The following IGFBP5 variants were observed in gnomAD, a reference collection of about 807,000 sequenced individuals.
IGFBP5 encodes the protein insulin-like growth factor-binding protein 5.
In IGFBP5, 12 loss-of-function variants were observed where a neutral mutation model predicts 28.0. That is an observed-to-expected ratio of 0.43 (90% CI 0.27 to 0.69). IGFBP5 has a LOEUF of 0.69. IGFBP5 is among the 30% of genes least tolerant of loss of function. IGFBP5 has a pLI of 0.20. For synonymous variants in IGFBP5, 152 were observed against 150.2 expected (o/e 1.01, Z -0.09); for missense variants, 344 against 381.6 (o/e 0.90, Z 0.82).
rs1351459155 is a variant in IGFBP5, at chr2:216,672,447, G to C, written c.*4304C>G. On this transcript the variant is annotated 3_prime_UTR_variant, in exon 4 of 4. Transcript: ENST00000233813. Reference sequence around the variant, plus strand: ...TGAAAACAAAAAAGAGGAGAGAACAGAGTTATGGTATGAATGTATGTAAAA... The same window carrying C: ...TGAAAACAAAAAAGAGGAGAGAACACAGTTATGGTATGAATGTATGTAAAA... 6.7e-6 allele frequency: 1 copy of C among 150,296 alleles called. No individual in the cohort carries two copies. Among genetic ancestry groups the C allele is most frequent in the Admixed American group, 6.7e-5 (1 of 15,006 alleles). The allele number at this position is 150,296 out of a possible 1,614,324, so 9.3% of individuals were successfully genotyped here.
rs201114178 is a variant in IGFBP5, at chr2:216,679,558, C to G, written c.338-479G>C. Among the ~76,000 whole-genome samples, 18 of 152,154 alleles carry G rather than the reference C, an allele frequency of 1.2e-4. No individual in the cohort carries two copies. The East Asian group carries it at 3.1e-3, about 26-fold the overall frequency. On this transcript the variant is annotated intron_variant, in intron 1 of 3. Coordinates refer to ENST00000233813, the MANE Select transcript of IGFBP5 (RefSeq NM_000599.4). The surrounding 1 kb of genome is among the most constrained non-coding windows in gnomAD (Gnocchi z 4.6). The stretch of plus-strand genomic sequence containing the variant: ...GCAGATGACACAGTCAGGGCGTGGA[C>G]GAGAAGGGCAAAGGCTGTCCTGTTA...
rs1688879582 is a variant in IGFBP5, at chr2:216,675,047, T to C, written c.*1704A>G. The C allele has an allele frequency of 6.6e-6, 1 of 152,172 alleles. No homozygotes were observed. Among genetic ancestry groups the C allele is most frequent in the South Asian group, 2.1e-4 (1 of 4,818 alleles). 9.4% of individuals were successfully genotyped at this position (152,172 alleles called of 1,614,324 possible). On this transcript the variant is annotated 3_prime_UTR_variant, in exon 4 of 4. Transcript: ENST00000233813. The stretch of plus-strand genomic sequence containing the variant: ...TTCCCCCATTTTCCTCTCTTTCCTC[T>C]CAAATCCTAGAAAATACATATGGTG...
Position 216,676,657 on chromosome 2 carries a change from A to T in IGFBP5, c.*94T>A, listed in dbSNP as rs1688902720. The T allele has an allele frequency of 1.3e-6, 1 of 758,478 alleles. No homozygotes were observed. 47.0% of individuals were successfully genotyped at this position (758,478 alleles called of 1,614,324 possible). On this transcript the variant is annotated 3_prime_UTR_variant, in exon 4 of 4. Transcript: ENST00000233813. ...GATATATATTTTTCCCTTAAATGAG[A>T]TGAAATGAGTGGCGTCCTGGGGTGG...
At position 216,694,545 on chromosome 2, in the gene IGFBP5, C is replaced by T. The variant is rs1403884431; in HGVS notation, c.231G>A (p.Gly77=). 5 of 1,570,862 alleles carry T rather than the reference C, an allele frequency of 3.2e-6. No individual in the cohort carries two copies. The African/African-American group carries it at 6.8e-5, about 21-fold the overall frequency. The part of the protein sequence containing the change: ...CGVYTERCAQ[G]LRCLPRQDEE... ...CGTCCTGCCGGGGGAGGCAGCGCAG[C>T]CCCTGGGCGCAGCGCTCGGTGTAGA... The change falls in exon 1 of 4, where the codon GGG becomes GGA. Residue 77 remains glycine (G), a synonymous_variant. Transcript: ENST00000233813. The surrounding 1 kb of genome is among the most constrained non-coding windows in gnomAD (Gnocchi z 5.2).
At chr2:216,693,686 CCACCCCG>C (rs1409037804) in intron 1 of IGFBP5, among the ~76,000 whole-genome samples, 1 of 152,096 alleles carries the variant, frequency 6.6e-6, no homozygotes. Flanking sequence ...TTCCCCACCC[CCACCCCG>C]CACCCCCGCA....
chr2:216,694,051 C>A lies in IGFBP5; in HGVS notation c.337+388G>T, dbSNP rs1034999989. On this transcript the variant is annotated intron_variant, in intron 1 of 3. Transcript: ENST00000233813. The surrounding 1 kb of genome is among the most constrained non-coding windows in gnomAD (Gnocchi z 5.2). ...TTTTTTTTCCAAGTTCAGAAAAAAA[C>A]CTATGCGGGGCGCGAGGGGGGTGGA... 6.6e-6 allele frequency among the ~76,000 whole-genome samples: 1 copy of A among 151,826 alleles called. No individual in the cohort carries two copies. The highest frequency in any genetic ancestry group is 1.5e-5 in the Non-Finnish European group (1 of 67,978).
chr2:216,678,897 G>A lies in IGFBP5; in HGVS notation c.520C>T (p.His174Tyr). Residue 174 changes from histidine to tyrosine, a missense_variant, in exon 2 of 4, where the codon CAC becomes TAC. By Grantham distance (83) the His-to-Tyr change is moderately conservative. Coordinates refer to ENST00000233813, the MANE Select transcript of IGFBP5 (RefSeq NM_000599.4). ...TCAGGTGCAGAGATGATCCGGGGGT[G>A]GGCAGTGTTCTCGGCTCCCCCGACA... ...KFVGGAENTA[H>Y]PRIISAPEMR... 1.2e-6 allele frequency: 2 copies of A among 1,614,202 alleles called. No homozygotes were observed. The highest frequency in any genetic ancestry group is 4.5e-5 in the East Asian group (2 of 44,876).
chr2:216,694,318 G>T lies in IGFBP5; in HGVS notation c.337+121C>A. On this transcript the variant is annotated intron_variant, in intron 1 of 3. Transcript: ENST00000233813. This position sits in a 1 kb window ranked among gnomAD's most constrained non-coding sequence, Gnocchi z 5.2. ...ATTCCGGGGTGCAAGGACCCTCCCCGACTACTCCCGAGCTGCACCCCAGCT... is the reference window on the plus strand; with the variant it reads ...ATTCCGGGGTGCAAGGACCCTCCCCTACTACTCCCGAGCTGCACCCCAGCT... The T allele has an allele frequency of 1.3e-6, 1 of 790,750 alleles. No homozygotes were observed. Among genetic ancestry groups the T allele is most frequent in the Non-Finnish European group, 1.9e-6 (1 of 525,792 alleles). 49.0% of individuals were successfully genotyped at this position (790,750 alleles called of 1,614,324 possible).
At position 216,694,475 on chromosome 2, in the gene IGFBP5, G is replaced by A. The variant is rs1166121294; in HGVS notation, c.301C>T (p.Leu101Phe). 1.9e-6 allele frequency: 3 copies of A among 1,586,202 alleles called. No homozygotes were observed. The highest frequency in any genetic ancestry group is 3.5e-5 in the Admixed American group (2 of 56,536). The change falls in exon 1 of 4, where the codon CTC becomes TTC. Residue 101 changes from leucine (L) to phenylalanine (F), a missense_variant. Around this residue, in one of 3 missense-constraint regions of IGFBP5, gnomAD observed 304 missense variants for 329.2 expected, o/e 0.92. Transcript: ENST00000233813. The surrounding 1 kb of genome is among the most constrained non-coding windows in gnomAD (Gnocchi z 5.2). ...TGCTCGCGGTAGCTCTTTTCGTTGA[G>A]GCAAACCCCGCGGCCGTGCAGCAGG... ...HALLHGRGVCLNEKSYREQVK... is the reference protein window; with the variant it reads ...HALLHGRGVCFNEKSYREQVK...
At position 216,679,734 on chromosome 2, in the gene IGFBP5, G is replaced by A. The variant is rs1032699800; in HGVS notation, c.338-655C>T. 1.3e-5 allele frequency among the ~76,000 whole-genome samples: 2 copies of A among 152,132 alleles called. No individual in the cohort carries two copies. Among genetic ancestry groups the A allele is most frequent in the Non-Finnish European group, 2.9e-5 (2 of 68,012 alleles). On this transcript the variant is annotated intron_variant, in intron 1 of 3. Transcript: ENST00000233813. The surrounding 1 kb of genome is among the most constrained non-coding windows in gnomAD (Gnocchi z 4.6). ...AGGGGAGGGGAGAGCCAGAAATGTA[G>A]GCCCGGAGGGGACCGGCGTGGGGCC...
chr2:216,682,876 T>C (rs1026488697), intron 1 of IGFBP5, among the ~76,000 whole-genome samples: 2 of 151,906 alleles, frequency 1.3e-5, no homozygotes, highest in African/African-American at 4.8e-5. Flanking sequence ...GCCCGGCTAA[T>C]TTTTTGTATT....
chr2:216,676,820 C>T lies in IGFBP5; in HGVS notation c.750G>A (p.Lys250=). ...ICWCVDKYGM[K]LPGMEYVDGD... Reference sequence around the variant, plus strand: ...CGTCAACGTACTCCATGCCTGGCAGCTTCATCCCGTACTTGTCCACGCACC... The same window carrying T: ...CGTCAACGTACTCCATGCCTGGCAGTTTCATCCCGTACTTGTCCACGCACC... Residue 250 remains lysine, a synonymous_variant, in exon 4 of 4, where the codon AAG becomes AAA. Transcript: ENST00000233813. 6.2e-7 allele frequency: 1 copy of T among 1,614,042 alleles called. No homozygotes were observed. The highest frequency in any genetic ancestry group is 1.1e-5 in the South Asian group (1 of 91,078).
chr2:216,683,200 A>G (rs1054331076), intron 1 of IGFBP5, among the ~76,000 whole-genome samples: 2 of 152,160 alleles, frequency 1.3e-5, no homozygotes. Flanking sequence ...GTGCGCCTCT[A>G]GTCTGAGAAA....
intron 2 of IGFBP5, 34 bp downstream of exon 2, chr2:216,678,816 G>C (rs1482336791): frequency 6.4e-7 from 1 of 1,562,898 alleles, no homozygotes; most frequent in East Asian, 2.3e-5. Flanking sequence ...AAGGTCAAAA[G>C]CTGGGAGGGA....
At chr2:216,688,772 A>C (rs1168539538) in intron 1 of IGFBP5, among the ~76,000 whole-genome samples, 1 of 152,190 alleles carries the variant, frequency 6.6e-6, no homozygotes, top group Non-Finnish European at 1.5e-5. Context: ...AGTTCGTTTA[A>C]AATGTTCCTA....
rs1356089631 is a variant in IGFBP5 at position 216,694,778 on chromosome 2, T to C, written c.-3A>G. The C allele has an allele frequency of 2.9e-6, 4 of 1,398,494 alleles. No homozygotes were observed. The African/African-American group carries it at 6.1e-5, about 21-fold the overall frequency. The allele number at this position is 1,398,494 out of a possible 1,614,324, so 86.6% of individuals were successfully genotyped here. On this transcript the variant is annotated 5_prime_UTR_variant, in exon 1 of 4. Transcript: ENST00000233813. This position sits in a 1 kb window ranked among gnomAD's most constrained non-coding sequence, Gnocchi z 5.2. ...AGGACCGCGGTGAGCAACACCATCT[T>C]CTCTTAGTCGCCCCCTTTACCTCGG...
chr2:216,686,072 C>T (rs981184121), intron 1 of IGFBP5, among the ~76,000 whole-genome samples: 11 of 151,858 alleles, frequency 7.2e-5, no homozygotes, highest in East Asian at 1.9e-4. Flanking sequence ...AGGAAGACCC[C>T]GGAGGGGAGT....
In IGFBP5 at chr2:216,694,462, C is replaced by A; in HGVS notation, c.314G>T (p.Ser105Ile). ...HGRGVCLNEK[S>I]YREQVKIERD... is the part of the protein sequence containing the mutation. ...ACCGATCTTGACTTGCTCGCGGTAG[C>A]TCTTTTCGTTGAGGCAAACCCCGCG... is the stretch of plus-strand genomic sequence containing the variant. The change falls in exon 1 of 4, where the codon AGC becomes ATC. Residue 105 changes from serine to isoleucine, a missense_variant. Around this residue, in one of 3 missense-constraint regions of IGFBP5, gnomAD observed 304 missense variants for 329.2 expected, o/e 0.92. Coordinates refer to ENST00000233813, the MANE Select transcript of IGFBP5 (RefSeq NM_000599.4). The surrounding 1 kb of genome is among the most constrained non-coding windows in gnomAD (Gnocchi z 5.2). The A allele has an allele frequency of 6.3e-7, 1 of 1,579,768 alleles. No homozygotes were observed. Among genetic ancestry groups the A allele is most frequent in the Non-Finnish European group, 8.6e-7 (1 of 1,167,128 alleles).
Position 216,678,954 on chromosome 2 carries a change from CCTT to C in IGFBP5, c.460_462del (p.Lys154del), listed in dbSNP as rs1395098202. The C allele has an allele frequency of 6.2e-7, 1 of 1,614,076 alleles. No individual in the cohort carries two copies. Among genetic ancestry groups the C allele is most frequent in the East Asian group, 2.2e-5 (1 of 44,882 alleles). ...GACTGGGTCAGCTTCTTTCTGCGGT[CCTT>C]CTTCACTGCTTCAGCCTTCAGCTCG... is the stretch of plus-strand genomic sequence containing the variant. On this transcript the variant is annotated inframe_deletion, in exon 2 of 4. Coordinates refer to ENST00000233813, the MANE Select transcript of IGFBP5 (RefSeq NM_000599.4).
Sources: gnomAD v4.1 joint callset for allele counts (sites outside exome capture counted in the v4.1 genomes callset) on GRCh38, gnomAD v4.1.1 for gene constraint, gnomAD v4.1.1 regional missense constraint, Gnocchi (gnomAD v3.1) non-coding constraint, MANE v1.5 for transcripts, NCBI Gene and HGNC (gene_info 2026-07-23, HGNC 2026-07-21) for gene names.